Variants in FCHSD2 observed in about 807,000 individuals in gnomAD.
The protein encoded by FCHSD2 is FCH and double SH3 domains 2.
In FCHSD2, 38 loss-of-function variants were observed where a neutral mutation model predicts 108.1. The observed-to-expected ratio is 0.35, with a 90% CI of 0.27 to 0.46. The LOEUF (loss-of-function observed/expected upper bound fraction) is 0.46. Ranked by LOEUF, FCHSD2 falls within the 20% of genes least tolerant of loss-of-function variation. The probability of loss-of-function intolerance (pLI) is 1.00; values close to 1 mark genes in which losing one functional copy is unlikely to be tolerated. For synonymous variants in FCHSD2, 279 were observed against 314.7 expected, an observed-to-expected ratio of 0.89 and a Z score of 1.20; for missense variants, 751 against 897.8, an observed-to-expected ratio of 0.84 and a Z score of 2.09.
intron 8 of FCHSD2, among the ~76,000 whole-genome samples, chr11:72,927,260 C>T (rs1856094964): frequency 6.6e-6 from 1 of 152,154 alleles, no homozygotes; most frequent in African/African-American, 2.4e-5. Flanking sequence ...CTTATAAAAG[C>T]ACAGATTGTT....
At chr11:73,104,499 A>C (rs899096532) in intron 2 of FCHSD2, among the ~76,000 whole-genome samples, 2 of 151,962 alleles carry the variant, frequency 1.3e-5, no homozygotes, top group African/African-American at 4.8e-5. Flanking sequence ...CAAACTCTTG[A>C]CCTCAAGTGA....
At position 72,937,444 on chromosome 11, in the gene FCHSD2, A is replaced by C. The variant is rs1310454008; in HGVS notation, c.706-15494T>G. ...CCTTAGTGTTAATTCAGTAAACAAT[A>C]TCTCTGATGCTGGCCAATTTGAGTA... On this transcript the variant is annotated intron_variant, in intron 8 of 19. Coordinates refer to ENST00000409418, the MANE Select transcript of FCHSD2 (RefSeq NM_014824.3). 2.0e-5 allele frequency among the ~76,000 whole-genome samples: 3 copies of C among 152,370 alleles called. 1 individual carries two copies. The highest frequency in any genetic ancestry group is 1.3e-4 in the Admixed American group (2 of 15,304).
At chr11:72,988,508 G>C (rs1332602973) in intron 6 of FCHSD2, among the ~76,000 whole-genome samples, 2 of 152,102 alleles carry the variant, frequency 1.3e-5, no homozygotes, top group African/African-American at 4.8e-5. Context: ...CCTGGGGCAG[G>C]GTTTCTACAT....
intron 8 of FCHSD2, among the ~76,000 whole-genome samples, chr11:72,956,914 C>T (rs1382080781): frequency 6.6e-6 from 1 of 151,728 alleles, no homozygotes; most frequent in Non-Finnish European, 1.5e-5. Flanking sequence ...TGACATCATG[C>T]ACTTCTTCAT....
chr11:72,843,227 C>T lies in FCHSD2; in HGVS notation c.1629G>A (p.Leu543=), dbSNP rs1454945694. 8 of 1,613,872 alleles carry T rather than the reference C, an allele frequency of 5.0e-6. No homozygotes were observed. In the South Asian group the frequency reaches 7.7e-5, roughly 16 times the overall value. ...TGCTGGACGTGTGTGACCGACTGTC[C>T]AAAGCGGCCAGGGACTGCAGCATGC... ...LLSMLQSLAA[L]DSRSHTSSNS... The change falls in exon 16 of 20, where the codon TTG becomes TTA. Residue 543 remains leucine (L), a synonymous_variant. Coordinates refer to ENST00000409418, the MANE Select transcript of FCHSD2 (RefSeq NM_014824.3).
At chr11:73,037,165 G>A (rs1442688346) in intron 3 of FCHSD2, among the ~76,000 whole-genome samples, 3 of 152,100 alleles carry the variant, frequency 2.0e-5, no homozygotes, top group African/African-American at 7.2e-5. Flanking sequence ...GCAAAATTGA[G>A]AGAAAGGTAC....
chr11:73,025,842 C>T (rs1432551859), intron 3 of FCHSD2, among the ~76,000 whole-genome samples: 2 of 151,980 alleles, frequency 1.3e-5, no homozygotes, highest in Admixed American at 1.3e-4. Flanking sequence ...GTATGATGTA[C>T]CAACTCAGTA....
intron 8 of FCHSD2, among the ~76,000 whole-genome samples, chr11:72,943,863 T>C (rs1382783495): frequency 1.3e-5 from 2 of 152,246 alleles, no homozygotes; most frequent in African/African-American, 4.8e-5. Flanking sequence ...GTTCAAATAT[T>C]GTAAACTACT....
At chr11:73,066,516 C>CT (rs1859296502) in intron 3 of FCHSD2, among the ~76,000 whole-genome samples, 1 of 152,068 alleles carries the variant, frequency 6.6e-6, no homozygotes, top group Admixed American at 6.6e-5. Flanking sequence ...AACTAAAGAG[C>CT]TTTTGCACAG....
chr11:72,967,185 G>C (rs549409373), intron 8 of FCHSD2, among the ~76,000 whole-genome samples: 4 of 148,198 alleles, frequency 2.7e-5, no homozygotes, highest in Non-Finnish European at 5.9e-5. Context: ...GGGCGACAGA[G>C]CAAGACTCTG....
At chr11:72,888,967 T>G (rs1402725003) in intron 11 of FCHSD2, among the ~76,000 whole-genome samples, 3 of 151,692 alleles carry the variant, frequency 2.0e-5, no homozygotes, top group African/African-American at 7.3e-5. Context: ...TTCTTTTTTC[T>G]TTTTATTGAG....
chr11:72,952,418 G>A (rs1033986169), intron 8 of FCHSD2, among the ~76,000 whole-genome samples: 5 of 151,670 alleles, frequency 3.3e-5, no homozygotes, highest in East Asian at 1.9e-4. Flanking sequence ...TCCGCCTCCC[G>A]GGTTCAAGTG....
intron 2 of FCHSD2, among the ~76,000 whole-genome samples, chr11:73,090,925 C>T (rs1859941896): frequency 6.6e-6 from 1 of 152,118 alleles, no homozygotes; most frequent in Admixed American, 6.5e-5. Flanking sequence ...ACGCTTCATT[C>T]CCCTTTCTTC....
intron 12 of FCHSD2, among the ~76,000 whole-genome samples, chr11:72,879,328 T>C (rs572016828): frequency 2.0e-5 from 3 of 152,190 alleles, no homozygotes; most frequent in African/African-American, 7.2e-5. Flanking sequence ...ATAGTCTTTA[T>C]AAGAAGAAAA....
intron 3 of FCHSD2, among the ~76,000 whole-genome samples, chr11:73,040,993 T>C (rs1858623086): frequency 6.6e-6 from 1 of 152,220 alleles, no homozygotes; most frequent in South Asian, 2.1e-4. Flanking sequence ...TGTCTTTCTG[T>C]GCCTGGCTTA....
At chr11:73,051,868 AACACACACACACACACACACAC>A (rs61511109) in intron 3 of FCHSD2, among the ~76,000 whole-genome samples, 41 of 141,814 alleles carry the variant, frequency 2.9e-4, no homozygotes, top group African/African-American at 1.0e-3. Flanking sequence ...ACGGTATATA[AACACACACACACACACACACAC>A]ACACACACAC....
chr11:73,011,754 A>G (rs1857868728), intron 4 of FCHSD2, among the ~76,000 whole-genome samples: 2 of 152,144 alleles, frequency 1.3e-5, no homozygotes, highest in African/African-American at 4.8e-5. Flanking sequence ...ATGTGGACCA[A>G]TGGGGGTCTC....
At chr11:72,975,839 A>T (rs1016459698) in intron 8 of FCHSD2, among the ~76,000 whole-genome samples, 2 of 152,214 alleles carry the variant, frequency 1.3e-5, no homozygotes, top group Admixed American at 1.3e-4. Flanking sequence ...TTTGTCTAGA[A>T]ATAAATCCTA....
intron 2 of FCHSD2, among the ~76,000 whole-genome samples, chr11:73,096,892 A>T (rs1211922846): frequency 6.8e-6 from 1 of 147,942 alleles, no homozygotes; most frequent in African/African-American, 2.5e-5. Context: ...ATCATGAAAG[A>T]GTGTTAAATT....
Sources: gnomAD v4.1 joint callset for allele counts (sites outside exome capture counted in the v4.1 genomes callset) on GRCh38, gnomAD v4.1.1 for gene constraint, MANE v1.5 for transcripts, NCBI Gene and HGNC (gene_info 2026-07-23, HGNC 2026-07-21) for gene names.